DOCK3: variants seen among roughly 807,000 people sequenced by gnomAD.
The protein encoded by DOCK3 is dedicator of cytokinesis protein 3.
In DOCK3, 60 loss-of-function variants were observed where a neutral mutation model predicts 265.6. The ratio of observed to expected loss-of-function variants is 0.23; its 90% confidence interval spans 0.18 to 0.28. The LOEUF (loss-of-function observed/expected upper bound fraction) is 0.28. DOCK3 is among the 10% of genes least tolerant of loss of function. The probability of loss-of-function intolerance (pLI) is 1.00; values close to 1 mark genes in which losing one functional copy is unlikely to be tolerated. For missense variants in DOCK3, 1,981 were observed against 2,594.3 expected, an observed-to-expected ratio of 0.76 and a Z score of 5.14; for synonymous variants, 881 against 938.0, an observed-to-expected ratio of 0.94 and a Z score of 1.11.
chr3:51,228,914 G>A, intron 18 of DOCK3, 82 bp downstream of exon 18: 2 of 1,452,064 alleles, frequency 1.4e-6, no homozygotes, highest in Non-Finnish European at 1.9e-6. Flanking sequence ...TGAAGGGAGA[G>A]ATAAATTATT....
chr3:50,881,381 G>A (rs1245140939), intron 3 of DOCK3: 1 of 151,156 alleles, frequency 6.6e-6, no homozygotes, highest in Non-Finnish European at 1.5e-5. Context: ...AGAAATCTCA[G>A]CCCAAAATCT....
intron 4 of DOCK3, among the ~76,000 whole-genome samples, chr3:50,925,492 A>G (rs951090546): frequency 3.3e-5 from 5 of 152,080 alleles, no homozygotes; most frequent in African/African-American, 9.7e-5. Flanking sequence ...ATAGTGCACT[A>G]TGATCATGCC....
At chr3:51,295,429 C>T (rs1459742514) in intron 27 of DOCK3, among the ~76,000 whole-genome samples, 1 of 152,166 alleles carries the variant, frequency 6.6e-6, no homozygotes, top group Non-Finnish European at 1.5e-5. Flanking sequence ...ATGGATCCAC[C>T]CCTATGGCCC....
chr3:51,379,356 G>A (rs772197173), intron 51 of DOCK3: 142 of 976,752 alleles, frequency 1.5e-4, no homozygotes, highest in Non-Finnish European at 1.6e-4. Context: ...TGCTGGATAC[G>A]TGGTGCACAC....
At chr3:50,828,852 T>G (rs999618841) in intron 2 of DOCK3, among the ~76,000 whole-genome samples, 1 of 152,158 alleles carries the variant, frequency 6.6e-6, no homozygotes, top group African/African-American at 2.4e-5. Flanking sequence ...TAGGTGGGAT[T>G]ACAGGCATGT....
Position 51,160,814 on chromosome 3 carries a change from C to T in DOCK3, c.1037+112C>T, listed in dbSNP as rs183617357. On this transcript the variant is annotated intron_variant, in intron 12 of 52. Coordinates refer to ENST00000266037, the MANE Select transcript of DOCK3 (RefSeq NM_004947.5). ...TGGACACAGGCCACGCAGTGGCTCA[C>T]GCCTGTATTCCCAACACTTTGGGAG... The T allele has an allele frequency of 9.5e-3, 12,478 of 1,310,502 alleles. 111 individuals are homozygous for T. The highest frequency in any genetic ancestry group is 0.04 in the South Asian group (2,431 of 61,194). The allele number at this position is 1,310,502 out of a possible 1,614,324, so 81.2% of individuals were successfully genotyped here.
At chr3:51,171,915 A>G (rs535853631) in intron 12 of DOCK3, among the ~76,000 whole-genome samples, 1 of 152,228 alleles carries the variant, frequency 6.6e-6, no homozygotes, top group African/African-American at 2.4e-5. Flanking sequence ...TTAGCTTTTC[A>G]AAGTGAAGTA....
rs1414682713 is a variant in DOCK3, at chr3:51,260,309, A to G, written c.2338A>G (p.Thr780Ala). ...CAGTCTGGACAGCCGAAACTCAGAAACACTCCTTTTTACTCAGGTTCGCAC... is the reference window on the plus strand; with the variant it reads ...CAGTCTGGACAGCCGAAACTCAGAAGCACTCCTTTTTACTCAGGTTCGCAC... ...VLSLDSRNSE[T>A]LLFTQAALLN... Residue 780 changes from threonine (T) to alanine (A), a missense_variant, in exon 23 of 53, where the codon ACA (threonine) becomes GCA (alanine). This residue lies in a region of DOCK3 where 1,357 missense variants were observed against 1,866.8 expected (regional missense o/e 0.73). Coordinates refer to ENST00000266037, the MANE Select transcript of DOCK3 (RefSeq NM_004947.5). 9.3e-6 allele frequency: 15 copies of G among 1,613,662 alleles called. No homozygotes were observed. The highest frequency in any genetic ancestry group is 1.3e-5 in the Non-Finnish European group (15 of 1,179,826).
intron 1 of DOCK3, among the ~76,000 whole-genome samples, chr3:50,691,079 G>A (rs941033186): frequency 5.9e-5 from 9 of 151,510 alleles, no homozygotes; most frequent in African/African-American, 2.2e-4. Flanking sequence ...TCAGGAGATC[G>A]AGACCATCCT....
chr3:51,016,667 TG>T (rs1162621770), intron 5 of DOCK3, among the ~76,000 whole-genome samples: 1 of 93,364 alleles, frequency 1.1e-5, no homozygotes, highest in Non-Finnish European at 1.9e-5. Context: ...ATATATTATA[TG>T]ATATATATTT....
At chr3:51,205,801 A>G (rs2089172186) in intron 12 of DOCK3, among the ~76,000 whole-genome samples, 1 of 152,362 alleles carries the variant, frequency 6.6e-6, no homozygotes, top group Admixed American at 6.5e-5. Context: ...AGCATTGGTA[A>G]TTGAAGGTAA....
At chr3:50,750,696 A>G (rs564583722) in intron 1 of DOCK3, among the ~76,000 whole-genome samples, 5 of 152,252 alleles carry the variant, frequency 3.3e-5, no homozygotes, top group Admixed American at 1.3e-4. Flanking sequence ...ATAGTTAATT[A>G]TCAGTTGGGA....
chr3:51,093,997 C>G (rs949292992), intron 9 of DOCK3, among the ~76,000 whole-genome samples: 24 of 152,158 alleles, frequency 1.6e-4, no homozygotes, highest in Admixed American at 6.5e-4. Flanking sequence ...TTGAACCAGC[C>G]TTGCCTCCCA....
chr3:51,226,985 G>C (rs1313946477), intron 15 of DOCK3, among the ~76,000 whole-genome samples: 1 of 152,102 alleles, frequency 6.6e-6, no homozygotes, highest in East Asian at 1.9e-4. Context: ...GTGAGGATGA[G>C]GAGCCTACCT....
chr3:51,088,203 A>G (rs918012569), intron 7 of DOCK3, among the ~76,000 whole-genome samples: 3 of 152,192 alleles, frequency 2.0e-5, no homozygotes, highest in Non-Finnish European at 4.4e-5. Context: ...AACAAAAACA[A>G]AAACAAAAAA....
chr3:50,689,272 G>GT (rs776167966), intron 1 of DOCK3, among the ~76,000 whole-genome samples: 7 of 152,312 alleles, frequency 4.6e-5, no homozygotes, highest in Non-Finnish European at 7.3e-5. Flanking sequence ...TGTACTCACG[G>GT]TGCTAATAAA....
At chr3:51,010,400 G>C (rs2078896876) in intron 5 of DOCK3, among the ~76,000 whole-genome samples, 1 of 151,920 alleles carries the variant, frequency 6.6e-6, no homozygotes, top group African/African-American at 2.4e-5. Flanking sequence ...TTTGATCTTT[G>C]TTGGTTTAAA....
intron 7 of DOCK3, among the ~76,000 whole-genome samples, chr3:51,078,717 A>C (rs2082131230): frequency 6.6e-6 from 1 of 152,206 alleles, no homozygotes; most frequent in Admixed American, 6.5e-5. Context: ...GAGTAGCCTA[A>C]AGAAAATTTT....
intron 6 of DOCK3, among the ~76,000 whole-genome samples, chr3:51,068,312 G>A (rs1158307568): frequency 2.0e-5 from 3 of 151,650 alleles, no homozygotes; most frequent in Non-Finnish European, 4.4e-5. Flanking sequence ...AGGCCGAGGC[G>A]GGCAGATCAC....
Sources: allele counts gnomAD v4.1 joint callset (sites outside exome capture counted in the v4.1 genomes callset), GRCh38; gene constraint gnomAD v4.1.1; regional missense constraint gnomAD v4.1.1; transcripts MANE v1.5; gene names NCBI Gene and HGNC (gene_info 2026-07-23, HGNC 2026-07-21).